EMC3: variants seen among roughly 807,000 people sequenced by gnomAD.
EMC3 encodes the protein ER membrane protein complex subunit 3.
EMC3 carries 13 observed loss-of-function variants against 36.6 expected under a neutral mutation model. The ratio of observed to expected loss-of-function variants is 0.35; its 90% CI spans 0.23 to 0.56. The LOEUF (loss-of-function observed/expected upper bound fraction) is 0.56. Among genes scored for constraint, EMC3 ranks in the 20% least tolerant of loss-of-function variants. EMC3 has a pLI of 0.84. For synonymous variants in EMC3, 120 were observed against 111.9 expected, an observed-to-expected ratio of 1.07 and a Z score of -0.46; for missense variants, 220 against 324.5, an observed-to-expected ratio of 0.68 and a Z score of 2.47.
chr3:9,991,238 A>G (rs2086048153), upstream of EMC3, among the ~76,000 whole-genome samples: 1 of 152,188 alleles, frequency 6.6e-6, no homozygotes, highest in Non-Finnish European at 1.5e-5. Flanking sequence ...CTGGGATTAT[A>G]GGCATGAGCC....
chr3:9,997,921 G>C (rs1392803471), intron 1 of EMC3, among the ~76,000 whole-genome samples: 1 of 152,070 alleles, frequency 6.6e-6, no homozygotes, highest in Non-Finnish European at 1.5e-5. Context: ...TATAAGAGTG[G>C]AATTGCTGGA....
chr3:9,963,477 A>AGATATAT lies in EMC3; in HGVS notation c.*591_*592insATATATC, dbSNP rs1277013031. ...TAGATATATATATATATATATATAT[A>AGATATAT]TTTTTTTTTTTTTTTCAGATGGAGT... On this transcript the variant is annotated 3_prime_UTR_variant, in exon 8 of 8. Transcript: ENST00000245046. The AGATATAT allele has an allele frequency of 1.0e-4, 9 of 88,906 alleles. No homozygotes were observed. The highest frequency in any genetic ancestry group is 3.7e-4 in the African/African-American group (8 of 21,350). The allele number at this position is 88,906 out of a possible 1,614,324, so 5.5% of individuals were successfully genotyped here.
intron 7 of EMC3, among the ~76,000 whole-genome samples, chr3:9,964,757 A>G (rs149600685): frequency 8.5e-5 from 13 of 152,372 alleles, no homozygotes; most frequent in African/African-American, 2.9e-4. Flanking sequence ...GGAGTCCAGT[A>G]ATTTTTAATC....
chr3:9,988,141 T>C (rs1480725919), upstream of EMC3: 1 of 547,964 alleles, frequency 1.8e-6, no homozygotes, highest in African/African-American at 1.9e-5. Flanking sequence ...TTACATCTAG[T>C]ATTATATCGT....
At chr3:9,988,891 T>C (rs1048376389), upstream of EMC3, 73 of 617,726 alleles carry the variant, frequency 1.2e-4, no homozygotes, top group Non-Finnish European at 2.0e-4. Flanking sequence ...ACATTAGCTG[T>C]CTGGGGAAGA....
At chr3:9,987,248 G>A, upstream of EMC3, 3 of 984,534 alleles carry the variant, frequency 3.0e-6, no homozygotes, top group Non-Finnish European at 3.6e-6. Flanking sequence ...AAAACTACAG[G>A]CGGGGACGGC....
intron 1 of EMC3, among the ~76,000 whole-genome samples, chr3:9,994,792 G>A (rs1453427199): frequency 2.0e-5 from 3 of 152,046 alleles, no homozygotes; most frequent in Middle Eastern, 6.8e-3. Flanking sequence ...TCCTGGTCTC[G>A]AACTCCTGAG....
chr3:9,972,830 ATCT>A (rs2085801256), intron 5 of EMC3, among the ~76,000 whole-genome samples: 1 of 141,912 alleles, frequency 7.0e-6, no homozygotes. Flanking sequence ...AGAAATCCTC[ATCT>A]TTTTTTTTTT....
At chr3:9,967,817 A>G (rs2085747954) in intron 7 of EMC3, among the ~76,000 whole-genome samples, 1 of 152,258 alleles carries the variant, frequency 6.6e-6, no homozygotes, top group Admixed American at 6.5e-5. Flanking sequence ...AACAATATTA[A>G]GTCTTCCAAT....
chr3:9,998,735 A>G (rs960403505), intron 1 of EMC3, among the ~76,000 whole-genome samples: 2 of 152,066 alleles, frequency 1.3e-5, no homozygotes, highest in Non-Finnish European at 1.5e-5. Context: ...AGACATGTCT[A>G]TTCAAGTCCT....
Position 9,963,074 on chromosome 3 carries a change from GT to G in EMC3, c.*994del, listed in dbSNP as rs2085703074. 1 of 152,196 alleles carries G rather than the reference GT, an allele frequency of 6.6e-6. No individual in the cohort carries two copies. Among genetic ancestry groups the G allele is most frequent in the Non-Finnish European group, 1.5e-5 (1 of 68,038 alleles). The allele number at this position is 152,196 out of a possible 1,614,324, so 9.4% of individuals were successfully genotyped here. On this transcript the variant is annotated 3_prime_UTR_variant, in exon 8 of 8. Coordinates refer to ENST00000245046, the MANE Select transcript of EMC3 (RefSeq NM_001394674.1). Reference sequence around the variant, plus strand: ...CCCAAAGGCACTTTAGAATCTGGCAGTGCCTCAGGGTCACTGATTTTCACTG... The same window carrying G: ...CCCAAAGGCACTTTAGAATCTGGCAGGCCTCAGGGTCACTGATTTTCACTG...
chr3:9,994,955 CTTATT>C (rs2086105242), intron 1 of EMC3, among the ~76,000 whole-genome samples: 1 of 137,464 alleles, frequency 7.3e-6, no homozygotes, highest in South Asian at 2.2e-4. Context: ...AGCACAGTGT[CTTATT>C]TTGTATTTGT....
chr3:9,964,681 T>C (rs1575670583), intron 7 of EMC3, among the ~76,000 whole-genome samples: 1 of 152,320 alleles, frequency 6.6e-6, no homozygotes, highest in East Asian at 1.9e-4. Flanking sequence ...GTATCTTCAG[T>C]GGGCCTAAGA....
Position 9,963,452 on chromosome 3 carries a change from T to TAG in EMC3, c.*615_*616dup, listed in dbSNP as rs201699342. 8 of 80,988 alleles carry TAG rather than the reference T, an allele frequency of 9.9e-5. No homozygotes were observed. The highest frequency in any genetic ancestry group is 1.9e-4 in the Non-Finnish European group (8 of 42,810). The allele number at this position is 80,988 out of a possible 1,614,324, so 5.0% of individuals were successfully genotyped here. ...TTCGAAGACTGGGCTTCTGCTAAGA[T>TAG]AGATATATATATATATATATATATA... On this transcript the variant is annotated 3_prime_UTR_variant, in exon 8 of 8. Coordinates refer to ENST00000245046, the MANE Select transcript of EMC3 (RefSeq NM_001394674.1).
upstream of EMC3, chr3:9,988,244 T>C: frequency 1.6e-6 from 1 of 607,508 alleles, no homozygotes; most frequent in South Asian, 1.8e-5. Flanking sequence ...AGTGCAAGTT[T>C]ATTAGCCATC....
intron 7 of EMC3, chr3:9,969,091 C>G (rs1245949710): frequency 6.4e-6 from 1 of 156,556 alleles, no homozygotes; most frequent in African/African-American, 2.4e-5. Flanking sequence ...TCCCAAAGTG[C>G]TGGGATTACA....
chr3:9,993,966 T>G (rs2086089962), intron 1 of EMC3, among the ~76,000 whole-genome samples: 1 of 152,298 alleles, frequency 6.6e-6, no homozygotes, highest in African/African-American at 2.4e-5. Context: ...TTCTTTGAGC[T>G]TAACAGTCAA....
At chr3:10,007,741 C>G in intron 1 of EMC3, 2 of 1,044,058 alleles carry the variant, frequency 1.9e-6, no homozygotes, top group Non-Finnish European at 2.6e-6. Context: ...CCCATCAGCA[C>G]CCATCAAGGA....
intron 5 of EMC3, among the ~76,000 whole-genome samples, chr3:9,972,123 A>G (rs941646736): frequency 1.2e-4 from 19 of 152,210 alleles, no homozygotes; most frequent in Admixed American, 3.9e-4. Context: ...TCAAATGTCA[A>G]TTCCTACACA....
Sources: gnomAD v4.1 joint callset for allele counts (sites outside exome capture counted in the v4.1 genomes callset) on GRCh38, gnomAD v4.1.1 for gene constraint, MANE v1.5 for transcripts, NCBI Gene and HGNC (gene_info 2026-07-23, HGNC 2026-07-21) for gene names.